GPR153: variants seen among roughly 807,000 people sequenced by gnomAD.
GPR153 encodes the protein G protein-coupled receptor 153.
Under a neutral mutation model 34.1 loss-of-function variants are expected in GPR153, and 27 were observed. The ratio of observed to expected loss-of-function variants is 0.79; its 90% confidence interval spans 0.58 to 1.09. The LOEUF (loss-of-function observed/expected upper bound fraction) is 1.09, where lower values mean the gene tolerates loss of function less well. GPR153 is among the 50% of genes least tolerant of loss of function. GPR153 has a pLI of 0.00. For synonymous variants in GPR153, 408 were observed against 405.4 expected (o/e 1.01, Z -0.08); for missense variants, 848 against 860.2 (o/e 0.99, Z 0.18).
intron 5 of GPR153, 102 bp downstream of exon 5, chr1:6,250,338 G>A (rs956829189): frequency 1.1e-5 from 16 of 1,457,008 alleles, no homozygotes; most frequent in African/African-American, 1.4e-5. Flanking sequence ...CCACCCCTGC[G>A]ACTGCAGAAG....
At chr1:6,253,588 G>A in intron 3 of GPR153, 130 bp downstream of exon 3, 1 of 882,524 alleles carries the variant, frequency 1.1e-6, no homozygotes, top group Non-Finnish European at 1.7e-6. Flanking sequence ...TCCAAATCTG[G>A]AAAATGGGGA....
chr1:6,257,518 T>G (rs1482212927), intron 1 of GPR153, among the ~76,000 whole-genome samples: 1 of 152,244 alleles, frequency 6.6e-6, no homozygotes, highest in Non-Finnish European at 1.5e-5. Context: ...CTGCCATGCT[T>G]CTTCCGCGGG....
intron 1 of GPR153, among the ~76,000 whole-genome samples, chr1:6,258,078 C>T (rs952633898): frequency 1.3e-5 from 2 of 152,336 alleles, no homozygotes; most frequent in South Asian, 4.1e-4. Flanking sequence ...CCCTGGCTCT[C>T]GGGCAGGGAA....
At chr1:6,252,828 C>T (rs1638478423) in intron 3 of GPR153, among the ~76,000 whole-genome samples, 1 of 152,190 alleles carries the variant, frequency 6.6e-6, no homozygotes, top group Non-Finnish European at 1.5e-5. Context: ...AAGCTGGTCC[C>T]AGCTTCACCA....
At chr1:6,256,371 TTTTC>T (rs1289009752) in intron 1 of GPR153, among the ~76,000 whole-genome samples, 2 of 96,722 alleles carry the variant, frequency 2.1e-5, no homozygotes, top group African/African-American at 2.9e-5. Context: ...TAAATCTTTC[TTTTC>T]TTTTTTTTTT....
In GPR153 at chr1:6,251,503, C is replaced by T. The variant is rs1192716705; in HGVS notation, c.814G>A (p.Asp272Asn). Residue 272 changes from aspartate to asparagine, a missense_variant, in exon 4 of 6, where the codon GAC becomes AAC. By Grantham distance (23) the Asp-to-Asn change is conservative. Coordinates refer to ENST00000377893, the MANE Select transcript of GPR153 (RefSeq NM_207370.4). The surrounding 1 kb of genome is among the most constrained non-coding windows in gnomAD (Gnocchi z 4.9). ...AGTGCCATCCAGGGCGCTGAGGCGT[C>T]GGCCCGCAGGCTGCTGAAGCTCACC... ...LVVSFSSLRADASAPWMALCV... is the reference protein window; with the variant it reads ...LVVSFSSLRANASAPWMALCV... The T allele has an allele frequency of 1.6e-5, 26 of 1,607,202 alleles. No individual in the cohort carries two copies. Among genetic ancestry groups the T allele is most frequent in the South Asian group, 3.3e-5 (3 of 90,540 alleles).
Position 6,251,222 on chromosome 1 carries a change from T to C in GPR153, c.979+116A>G, listed in dbSNP as rs1638440762. On this transcript the variant is annotated intron_variant, in intron 4 of 5. Coordinates refer to ENST00000377893, the MANE Select transcript of GPR153 (RefSeq NM_207370.4). This position sits in a 1 kb window ranked among gnomAD's most constrained non-coding sequence, Gnocchi z 4.9. Reference sequence around the variant, plus strand: ...TTTGGGGGTGACACGGGGTGTCTGGTGGTTGAGAATGAAGTCACCTCCTTA... The same window carrying C: ...TTTGGGGGTGACACGGGGTGTCTGGCGGTTGAGAATGAAGTCACCTCCTTA... The C allele has an allele frequency of 2.5e-6, 2 of 797,906 alleles. No individual in the cohort carries two copies. The highest frequency in any genetic ancestry group is 4.1e-6 in the Non-Finnish European group (2 of 488,246). The allele number at this position is 797,906 out of a possible 1,614,324, so 49.4% of individuals were successfully genotyped here.
At chr1:6,258,172 ACT>A (rs1638602758) in intron 1 of GPR153, among the ~76,000 whole-genome samples, 2 of 151,126 alleles carry the variant, frequency 1.3e-5, no homozygotes, top group African/African-American at 4.9e-5. Flanking sequence ...ATGGAGTTTT[ACT>A]CTTATTACCC....
In GPR153 at chr1:6,260,380, C is replaced by CG. The variant is rs1304352246; in HGVS notation, c.-110+444_-110+445insC. ...CCCAACCCCCTGGGGCTCCGATCCC[C>CG]CCCCCCCCCCGCAATCCCCGCTCCG... is the stretch of plus-strand genomic sequence containing the variant. On this transcript the variant is annotated intron_variant, in intron 1 of 5. Transcript: ENST00000377893. Among the ~76,000 whole-genome samples, 70 of 51,980 alleles carry CG rather than the reference C, an allele frequency of 1.3e-3. 4 individuals carry two copies. The highest frequency in any genetic ancestry group is 2.2e-3 in the Non-Finnish European group (53 of 24,522). 34.1% of individuals were successfully genotyped at this position (51,980 alleles called of 152,430 possible). A position where few individuals can be genotyped will look rare whatever the true frequency, so the allele number is the denominator to read the frequency against.
intron 3 of GPR153, among the ~76,000 whole-genome samples, chr1:6,253,158 G>A (rs556653327): frequency 6.6e-6 from 1 of 152,308 alleles, no homozygotes; most frequent in Admixed American, 6.5e-5. Context: ...TTGGGAGGCT[G>A]AGATGGGCAG....
chr1:6,251,605 C>T lies in GPR153; in HGVS notation c.787-75G>A. On this transcript the variant is annotated intron_variant, in intron 3 of 5. Coordinates refer to ENST00000377893, the MANE Select transcript of GPR153 (RefSeq NM_207370.4). This position sits in a 1 kb window ranked among gnomAD's most constrained non-coding sequence, Gnocchi z 4.9. The stretch of plus-strand genomic sequence containing the variant: ...ACAAGCTCCCCCTGAGTCTCGGTCT[C>T]CCCATGTGTACGGCAGGTCTGACAG... 3 of 1,434,526 alleles carry T rather than the reference C, an allele frequency of 2.1e-6. No homozygotes were observed. Among genetic ancestry groups the T allele is most frequent in the Non-Finnish European group, 2.8e-6 (3 of 1,080,642 alleles). The allele number at this position is 1,434,526 out of a possible 1,614,324, so 88.9% of individuals were successfully genotyped here.
chr1:6,260,599 C>A (rs1310133532), intron 1 of GPR153, among the ~76,000 whole-genome samples: 1 of 151,870 alleles, frequency 6.6e-6, no homozygotes, highest in Non-Finnish European at 1.5e-5. Flanking sequence ...GCCCAGGGGG[C>A]GGCGCTGCTA....
intron 3 of GPR153, among the ~76,000 whole-genome samples, chr1:6,252,034 C>T (rs1041687456): frequency 6.6e-6 from 1 of 152,166 alleles, no homozygotes; most frequent in African/African-American, 2.4e-5. Context: ...ATTCTACCAC[C>T]CCCTTCCCGG....
rs1292864481 is a variant in GPR153 at position 6,261,098 on chromosome 1, C to G, written c.-383G>C. ...CCGCTCCGCTGCTGCGCCGGGCGGC[C>G]GGGGGCGGGGGGCGGAGCAGGGCGC... is the stretch of plus-strand genomic sequence containing the variant. On this transcript the variant is annotated 5_prime_UTR_variant, in exon 1 of 6. Coordinates refer to ENST00000377893, the MANE Select transcript of GPR153 (RefSeq NM_207370.4). 4 of 150,056 alleles carry G rather than the reference C, an allele frequency of 2.7e-5. No individual in the cohort carries two copies. Among genetic ancestry groups the G allele is most frequent in the Non-Finnish European group, 6.0e-5 (4 of 67,190 alleles). The allele number at this position is 150,056 out of a possible 1,614,324, so 9.3% of individuals were successfully genotyped here.
chr1:6,255,641 C>CTT (rs1638550346), intron 1 of GPR153, among the ~76,000 whole-genome samples: 38 of 35,146 alleles, frequency 1.1e-3, no homozygotes, highest in Middle Eastern at 0.025. Flanking sequence ...TGCCTGGCTA[C>CTT]GTTTTTTTTT....
intron 1 of GPR153, among the ~76,000 whole-genome samples, chr1:6,259,668 G>A (rs1474135004): frequency 6.6e-6 from 1 of 152,138 alleles, no homozygotes; most frequent in Non-Finnish European, 1.5e-5. Flanking sequence ...GGGCACTGTA[G>A]TCTTGGCATG....
Position 6,247,727 on chromosome 1 carries a change from A to G in GPR153, c.*1611T>C, listed in dbSNP as rs1638332504. 1 of 152,216 alleles carries G rather than the reference A, an allele frequency of 6.6e-6. No individual in the cohort carries two copies. The highest frequency in any genetic ancestry group is 1.5e-5 in the Non-Finnish European group (1 of 68,066). The allele number at this position is 152,216 out of a possible 1,614,324, so 9.4% of individuals were successfully genotyped here. On this transcript the variant is annotated 3_prime_UTR_variant, in exon 6 of 6. Coordinates refer to ENST00000377893, the MANE Select transcript of GPR153 (RefSeq NM_207370.4). ...TGGAGGAGACACTGGCTAGCTGGCG[A>G]CCTCTGCCCCTACGTAACTTGTCAG...
chr1:6,260,386 C>CA (rs58244481), intron 1 of GPR153, among the ~76,000 whole-genome samples: 8 of 95,244 alleles, frequency 8.4e-5, no homozygotes, highest in South Asian at 3.3e-4. Flanking sequence ...TCCCCCCCCC[C>CA]CCCCGCAATC....
In GPR153 at chr1:6,254,045, G is replaced by C. The variant is rs774156726; in HGVS notation, c.459C>G (p.Ser153Arg). The C allele has an allele frequency of 6.2e-6, 10 of 1,613,506 alleles. No homozygotes were observed. Among genetic ancestry groups the C allele is most frequent in the Non-Finnish European group, 8.5e-6 (10 of 1,180,006 alleles). Residue 153 changes from serine (S) to arginine (R), a missense_variant, in exon 3 of 6, where the codon AGC (serine) becomes AGG (arginine). Ser to Arg is a moderately radical substitution (Grantham distance 110). Transcript: ENST00000377893. ...GGCAGCCATGGGTGTAGAAGCGCTC[G>C]CTGGTGTCGTGCCAGCCAACGGCAG... ...ALPAVGWHDT[S>R]ERFYTHGCRF...
Sources: allele counts gnomAD v4.1 joint callset (sites outside exome capture counted in the v4.1 genomes callset), GRCh38; gene constraint gnomAD v4.1.1; non-coding constraint Gnocchi (gnomAD v3.1); transcripts MANE v1.5; gene names NCBI Gene and HGNC (gene_info 2026-07-23, HGNC 2026-07-21).